The following CCDC85A variants were observed in gnomAD, a reference collection of about 807,000 sequenced individuals.
CCDC85A encodes coiled-coil domain containing 85A, also known as coiled-coil domain-containing protein 85A.
A neutral mutation model predicts 50.2 loss-of-function variants in CCDC85A; 38 were observed. The observed-to-expected ratio is 0.76, with a 90% CI of 0.58 to 0.99. The LOEUF (loss-of-function observed/expected upper bound fraction) is 0.99. Ranked by LOEUF, CCDC85A falls within the 50% of genes least tolerant of loss-of-function variation. The pLI, the probability that CCDC85A is intolerant of heterozygous loss-of-function variation, is 0.00. For missense variants in CCDC85A, 820 were observed against 742.0 expected (o/e 1.11, Z -1.22); for synonymous variants, 366 against 301.4 (o/e 1.21, Z -2.22).
intron 2 of CCDC85A, among the ~76,000 whole-genome samples, chr2:56,311,206 C>T (rs577004872): frequency 6.6e-6 from 1 of 152,254 alleles, no homozygotes; most frequent in South Asian, 2.1e-4. Context: ...CACACACTTT[C>T]ATGTCTCAAA....
intron 2 of CCDC85A, among the ~76,000 whole-genome samples, chr2:56,213,844 A>G (rs990989783): frequency 6.6e-6 from 1 of 151,410 alleles, no homozygotes. Context: ...AACCAAAAAT[A>G]CCCGCCTCTC....
intron 3 of CCDC85A, among the ~76,000 whole-genome samples, chr2:56,369,184 TA>T (rs1558662652): frequency 6.6e-6 from 1 of 152,126 alleles, no homozygotes; most frequent in Non-Finnish European, 1.5e-5. Context: ...CACGACAGTG[TA>T]AAAAAGTTAA....
chr2:56,256,840 A>C (rs918470663), intron 2 of CCDC85A, among the ~76,000 whole-genome samples: 2 of 152,378 alleles, frequency 1.3e-5, no homozygotes, highest in African/African-American at 4.8e-5. Flanking sequence ...AAGATTAAAA[A>C]GTAAATCAGG....
intron 2 of CCDC85A, among the ~76,000 whole-genome samples, chr2:56,209,130 C>G (rs1015704731): frequency 6.6e-6 from 1 of 152,032 alleles, no homozygotes. Flanking sequence ...GTATCCAAGT[C>G]TTTTTTAATA....
chr2:56,286,833 T>G (rs1671466649), intron 2 of CCDC85A, among the ~76,000 whole-genome samples: 1 of 152,196 alleles, frequency 6.6e-6, no homozygotes, highest in Non-Finnish European at 1.5e-5. Flanking sequence ...GTATGTTGTG[T>G]TCTTTGAAAG....
At chr2:56,191,838 T>C (rs986079606) in intron 1 of CCDC85A, among the ~76,000 whole-genome samples, 1 of 152,186 alleles carries the variant, frequency 6.6e-6, no homozygotes, top group Non-Finnish European at 1.5e-5. Flanking sequence ...ACCAGGGGAA[T>C]TGGGGCTGCA....
chr2:56,276,270 C>CTT (rs1670937471), intron 2 of CCDC85A, among the ~76,000 whole-genome samples: 1 of 152,134 alleles, frequency 6.6e-6, no homozygotes, highest in South Asian at 2.1e-4. Context: ...TTTTTGAGTG[C>CTT]TTTTTATTTT....
At chr2:56,191,299 A>G (rs1266904082) in intron 1 of CCDC85A, among the ~76,000 whole-genome samples, 2 of 152,174 alleles carry the variant, frequency 1.3e-5, no homozygotes, top group African/African-American at 2.4e-5. Flanking sequence ...TCCCACCACA[A>G]TAAAAGCTGT....
chr2:56,328,492 C>A (rs989908626), intron 2 of CCDC85A, among the ~76,000 whole-genome samples: 10 of 152,182 alleles, frequency 6.6e-5, no homozygotes, highest in African/African-American at 2.4e-4. Context: ...CAGCTCTTCG[C>A]TGTGGACTTC....
At chr2:56,249,521 A>G (rs1169228702) in intron 2 of CCDC85A, among the ~76,000 whole-genome samples, 1 of 152,230 alleles carries the variant, frequency 6.6e-6, no homozygotes, top group African/African-American at 2.4e-5. Flanking sequence ...GCCTCAGAAG[A>G]CACACTGTGG....
intron 3 of CCDC85A, among the ~76,000 whole-genome samples, chr2:56,352,032 A>G (rs1674974543): frequency 6.6e-6 from 1 of 152,150 alleles, no homozygotes; most frequent in African/African-American, 2.4e-5. Flanking sequence ...TTTTTGTATA[A>G]GGTGTAAGGA....
rs141640933 is a variant in CCDC85A at position 56,217,167 on chromosome 2, G to A, written c.1240+23727G>A. ...TTTAAGTTTTATCTATCTCTCCCAT[G>A]ATATTCTGTGACTTTTTCTGTGTCT... On this transcript the variant is annotated intron_variant, in intron 2 of 5. Coordinates refer to ENST00000407595, the MANE Select transcript of CCDC85A (RefSeq NM_001080433.2). Among the ~76,000 whole-genome samples, 264 of 152,010 alleles carry A rather than the reference G, an allele frequency of 1.7e-3. 2 individuals carry two copies. Among genetic ancestry groups the A allele is most frequent in the African/African-American group, 5.9e-3 (247 of 41,516 alleles).
intron 2 of CCDC85A, among the ~76,000 whole-genome samples, chr2:56,341,937 A>G (rs1003072115): frequency 6.6e-6 from 1 of 151,286 alleles, no homozygotes; most frequent in African/African-American, 2.4e-5. Context: ...TGAAATTTTT[A>G]TTGGGAGAAA....
At chr2:56,219,024 C>T (rs896287123) in intron 2 of CCDC85A, among the ~76,000 whole-genome samples, 5 of 151,396 alleles carry the variant, frequency 3.3e-5, no homozygotes, top group Admixed American at 2.6e-4. Flanking sequence ...ATTCTCCAAG[C>T]TCTTCCTCTA....
At chr2:56,304,964 G>C (rs866093140) in intron 2 of CCDC85A, among the ~76,000 whole-genome samples, 1 of 151,306 alleles carries the variant, frequency 6.6e-6, no homozygotes, top group South Asian at 2.1e-4. Flanking sequence ...AAACCTGGGC[G>C]TGGTGGTGTG....
chr2:56,206,946 T>C (rs974373954), intron 2 of CCDC85A, among the ~76,000 whole-genome samples: 9 of 139,258 alleles, frequency 6.5e-5, no homozygotes, highest in African/African-American at 2.4e-4. Context: ...ATCTTCTGAG[T>C]CAATGATGAA....
At chr2:56,358,418 G>T (rs116295512) in intron 3 of CCDC85A, among the ~76,000 whole-genome samples, 80 of 152,110 alleles carry the variant, frequency 5.3e-4, no homozygotes, top group Non-Finnish European at 6.5e-4. Flanking sequence ...TACTGCTTCC[G>T]TTTAAGCACC....
chr2:56,184,989 C>T, intron 1 of CCDC85A, 89 bp downstream of exon 1: 4 of 1,396,046 alleles, frequency 2.9e-6, no homozygotes, highest in East Asian at 5.6e-5. Flanking sequence ...TTCCCTCCCT[C>T]CCTCAACAGG....
chr2:56,367,680 G>C (rs1398884674), intron 3 of CCDC85A, among the ~76,000 whole-genome samples: 3 of 152,088 alleles, frequency 2.0e-5, no homozygotes, highest in African/African-American at 4.8e-5. Flanking sequence ...TTTGCCAAAT[G>C]TTTTCTCTTG....
Sources: gnomAD v4.1 joint callset for allele counts (sites outside exome capture counted in the v4.1 genomes callset) on GRCh38, gnomAD v4.1.1 for gene constraint, MANE v1.5 for transcripts, NCBI Gene and HGNC (gene_info 2026-07-23, HGNC 2026-07-21) for gene names.